Variants in TLE2 observed in about 807,000 individuals in gnomAD.
TLE2 encodes TLE family member 2, transcriptional corepressor.
TLE2 carries 74 observed loss-of-function variants against 97.2 expected under a neutral mutation model. The ratio of observed to expected loss-of-function variants is 0.76; its 90% CI spans 0.63 to 0.92. The LOEUF (loss-of-function observed/expected upper bound fraction) is 0.92. TLE2 is among the 40% of genes least tolerant of loss of function. TLE2 has a pLI of 0.00. For missense variants in TLE2, 1,038 were observed against 1,008.7 expected (o/e 1.03, Z -0.39); for synonymous variants, 499 against 432.1 (o/e 1.15, Z -1.92).
Position 3,028,701 on chromosome 19 carries a change from C to A in TLE2, c.122+5G>T. ...TCCCGCGGCCCCTGGGGCGGCCCCC[C>A]TCACCTGTGGTATTGAGCCTGAAGA... On this transcript the variant is annotated splice_donor_5th_base_variant and intron_variant, in intron 2 of 19. Transcript: ENST00000262953. 1.2e-6 allele frequency: 2 copies of A among 1,612,806 alleles called. No homozygotes were observed. Among genetic ancestry groups the A allele is most frequent in the Non-Finnish European group, 1.7e-6 (2 of 1,179,786 alleles).
intron 1 of TLE2, among the ~76,000 whole-genome samples, chr19:3,044,254 C>G (rs952027387): frequency 1.8e-4 from 27 of 152,156 alleles, no homozygotes; most frequent in East Asian, 3.9e-4. Context: ...TCCCCTCCAG[C>G]CTGCCCCCCT....
chr19:3,025,272 T>C, intron 4 of TLE2, 190 bp from the exon 5 acceptor site: 5 of 1,145,626 alleles, frequency 4.4e-6, no homozygotes, highest in Non-Finnish European at 5.9e-6. Context: ...GGCTGCGTGC[T>C]CAGCTGAGCG....
In TLE2 at chr19:3,002,611, T is replaced by A. The variant is rs867599236; in HGVS notation, c.1897-108A>T. ...TGGAGTGCAGTGGCACAATCATGGC[T>A]CACTGCAGCCTTGACCTCCAGGGCT... On this transcript the variant is annotated intron_variant, in intron 17 of 19. Coordinates refer to ENST00000262953, the MANE Select transcript of TLE2 (RefSeq NM_003260.5). 44 of 1,376,044 alleles carry A rather than the reference T, an allele frequency of 3.2e-5. No individual in the cohort carries two copies. In the African/African-American group the frequency reaches 6.1e-4, roughly 19 times the overall value. 85.2% of individuals were successfully genotyped at this position (1,376,044 alleles called of 1,614,324 possible). A position where few individuals can be genotyped will look rare whatever the true frequency, so the allele number is the denominator to read the frequency against.
chr19:3,031,407 T>C (rs1187594606), upstream of TLE2, among the ~76,000 whole-genome samples: 2 of 151,294 alleles, frequency 1.3e-5, no homozygotes, highest in Non-Finnish European at 2.9e-5. Context: ...TAGCTCCCTA[T>C]TGCCCTCAAA....
At chr19:3,023,072 T>G (rs79949428) in intron 5 of TLE2, among the ~76,000 whole-genome samples, 4 of 151,636 alleles carry the variant, frequency 2.6e-5, no homozygotes, top group Non-Finnish European at 5.9e-5. Flanking sequence ...TTTTTTTTTT[T>G]GAGACAGAAT....
chr19:3,022,564 T>C (rs2089866080), intron 5 of TLE2, among the ~76,000 whole-genome samples: 1 of 151,918 alleles, frequency 6.6e-6, no homozygotes, highest in South Asian at 2.1e-4. Context: ...AAAAAAATAA[T>C]AGATTTAAAT....
At chr19:3,001,581 G>C (rs2089360079) in intron 18 of TLE2, among the ~76,000 whole-genome samples, 1 of 151,932 alleles carries the variant, frequency 6.6e-6, no homozygotes, top group Admixed American at 6.6e-5. Context: ...AAAGTCCTGG[G>C]CTCAAGCAAT....
intron 15 of TLE2, 163 bp downstream of exon 15, chr19:3,006,257 C>A: frequency 7.9e-7 from 1 of 1,258,204 alleles, no homozygotes; most frequent in Non-Finnish European, 1.1e-6. Context: ...CCCCTTTGGC[C>A]TGCAAGCCTT....
intron 19 of TLE2, 69 bp downstream of exon 19, chr19:3,000,578 T>A (rs1219091497): frequency 2.9e-5 from 41 of 1,430,224 alleles, no homozygotes; most frequent in Non-Finnish European, 3.7e-5. Context: ...AGGGGCAATC[T>A]CTCTGTCTGA....
chr19:3,002,552 G>A, intron 17 of TLE2, 49 bp from the exon 18 acceptor site: 1 of 1,534,822 alleles, frequency 6.5e-7, no homozygotes. Flanking sequence ...TCTTTGTTTT[G>A]TGTTGAGACA....
chr19:3,046,501 G>A (rs1007085898), upstream of TLE2, among the ~76,000 whole-genome samples: 1 of 152,222 alleles, frequency 6.6e-6, no homozygotes, highest in African/African-American at 2.4e-5. Context: ...GCCAGAGCCT[G>A]GCCCTTTGGG....
At chr19:3,029,389 C>A (rs560260261), upstream of TLE2, among the ~76,000 whole-genome samples, 2 of 147,448 alleles carry the variant, frequency 1.4e-5, no homozygotes, top group African/African-American at 2.4e-5. Context: ...CCGCGCCCCC[C>A]CCGGCCCCCG....
In TLE2 at chr19:3,005,979, G is replaced by A. The variant is rs1323350059; in HGVS notation, c.1501-11C>T. On this transcript the variant is annotated splice_polypyrimidine_tract_variant and intron_variant, in intron 15 of 19. Coordinates refer to ENST00000262953, the MANE Select transcript of TLE2 (RefSeq NM_003260.5). Reference sequence around the variant, plus strand: ...GTAGTTGTCTCGGTTCTGGGGTCGGGGAGAGAAGCAGGGGCTGGGGGTTGG... The same window carrying A: ...GTAGTTGTCTCGGTTCTGGGGTCGGAGAGAGAAGCAGGGGCTGGGGGTTGG... The A allele has an allele frequency of 6.2e-7, 1 of 1,609,740 alleles. No homozygotes were observed. Among genetic ancestry groups the A allele is most frequent in the Admixed American group, 1.7e-5 (1 of 59,932 alleles).
At chr19:3,041,227 A>T (rs2145233562) in intron 1 of TLE2, among the ~76,000 whole-genome samples, 1 of 150,982 alleles carries the variant, frequency 6.6e-6, no homozygotes, top group East Asian at 2.0e-4. Flanking sequence ...GGGTTTCACC[A>T]TGTTGGCCAG....
At position 3,019,306 on chromosome 19, in the gene TLE2, C is replaced by T; in HGVS notation, c.527G>A (p.Gly176Asp). 6 of 1,577,274 alleles carry T rather than the reference C, an allele frequency of 3.8e-6. No individual in the cohort carries two copies. The highest frequency in any genetic ancestry group is 2.3e-5 in the East Asian group (1 of 43,292). Residue 176 changes from glycine to aspartate, a missense_variant, in exon 7 of 20, where the codon GGC becomes GAC. Physicochemically the swap from Gly to Asp is moderately conservative, Grantham distance 94. Coordinates refer to ENST00000262953, the MANE Select transcript of TLE2 (RefSeq NM_003260.5). The surrounding 1 kb of genome is among the most constrained non-coding windows in gnomAD (Gnocchi z 5.1). ...LAAAVKEDRAGVEAEGSRVER... is the reference protein window; with the variant it reads ...LAAAVKEDRADVEAEGSRVER... The stretch of plus-strand genomic sequence containing the variant: ...ACCTCTGGACCCCTCGGCCTCCACG[C>T]CCGCACGGTCCTCCTTGACAGCCGC...
Position 3,029,145 on chromosome 19 carries a change from C to A in TLE2, c.-241G>T. On this transcript the variant is annotated 5_prime_UTR_variant, in exon 1 of 20. Coordinates refer to ENST00000262953, the MANE Select transcript of TLE2 (RefSeq NM_003260.5). ...GGGCGAGCGGGGCGGGCAGGGGCAG[C>A]GGCCGGGGCGGGAGCGCGGCGAGGG... 1.0e-6 allele frequency: 1 copy of A among 976,252 alleles called. No homozygotes were observed. The highest frequency in any genetic ancestry group is 1.2e-6 in the Non-Finnish European group (1 of 814,040). 60.5% of individuals were successfully genotyped at this position (976,252 alleles called of 1,614,324 possible).
chr19:3,008,992 C>T, intron 13 of TLE2, 47 bp from the exon 14 acceptor site: 1 of 1,469,970 alleles, frequency 6.8e-7, no homozygotes, highest in Non-Finnish European at 9.2e-7. Context: ...GACTCCAACC[C>T]ACCTCTGTGC....
chr19:3,010,161 C>T (rs1462334580), intron 12 of TLE2, among the ~76,000 whole-genome samples: 1 of 151,760 alleles, frequency 6.6e-6, no homozygotes, highest in Non-Finnish European at 1.5e-5. Flanking sequence ...GTCAGGAGTT[C>T]AAGACCAGCC....
At chr19:3,014,263 T>C (rs955473427) in intron 10 of TLE2, among the ~76,000 whole-genome samples, 1 of 152,090 alleles carries the variant, frequency 6.6e-6, no homozygotes, top group Admixed American at 6.6e-5. Context: ...TAAGCACCCA[T>C]AGCGAGGACT....
Sources: allele counts gnomAD v4.1 joint callset (sites outside exome capture counted in the v4.1 genomes callset), GRCh38; gene constraint gnomAD v4.1.1; non-coding constraint Gnocchi (gnomAD v3.1); transcripts MANE v1.5; gene names NCBI Gene and HGNC (gene_info 2026-07-23, HGNC 2026-07-21).